LRRN1: variants seen among roughly 807,000 people sequenced by gnomAD.
The protein encoded by LRRN1 is leucine-rich repeat neuronal protein 1.
LRRN1 carries 14 observed loss-of-function variants against 45.8 expected under a neutral mutation model. The observed-to-expected ratio is 0.31, with a 90% CI of 0.20 to 0.48. The LOEUF (loss-of-function observed/expected upper bound fraction) is 0.48. Ranked by LOEUF, LRRN1 falls within the 20% of genes least tolerant of loss-of-function variation. LRRN1 has a pLI of 0.99. For synonymous variants in LRRN1, 359 were observed against 330.1 expected, an observed-to-expected ratio of 1.09 and a Z score of -0.95; for missense variants, 789 against 874.2, an observed-to-expected ratio of 0.90 and a Z score of 1.23.
chr3:3,801,445 A>G (rs1486376110), intron 1 of LRRN1, among the ~76,000 whole-genome samples: 3 of 152,202 alleles, frequency 2.0e-5, no homozygotes, highest in Non-Finnish European at 4.4e-5. Context: ...CTAGGGCTGG[A>G]GGAGTGGAAA....
intron 1 of LRRN1, among the ~76,000 whole-genome samples, chr3:3,837,188 G>A (rs1693538703): frequency 6.6e-6 from 1 of 152,190 alleles, no homozygotes; most frequent in Non-Finnish European, 1.5e-5. Flanking sequence ...CCAGGCAGGT[G>A]GCCCTGAGTG....
rs1337952254 is a variant in LRRN1, at chr3:3,846,341, A to G, written c.1700A>G (p.His567Arg). ...SSATMKIDNP[H>R]ITYTARVPVD... ...GCCACCATGAAGATTGATAACCCTCACATAACATATACTGCCAGGGTCCCA... is the reference window on the plus strand; with the variant it reads ...GCCACCATGAAGATTGATAACCCTCGCATAACATATACTGCCAGGGTCCCA... Residue 567 changes from histidine to arginine, a missense_variant, in exon 2 of 2, where the codon CAC (histidine) becomes CGC (arginine). Transcript: ENST00000319331. The surrounding 1 kb of genome is among the most constrained non-coding windows in gnomAD (Gnocchi z 5.7). The G allele has an allele frequency of 1.2e-6, 2 of 1,613,708 alleles. No individual in the cohort carries two copies. Among genetic ancestry groups the G allele is most frequent in the Non-Finnish European group, 1.7e-6 (2 of 1,180,018 alleles).
intron 1 of LRRN1, among the ~76,000 whole-genome samples, chr3:3,835,583 G>T (rs1429992891): frequency 1.7e-5 from 2 of 119,516 alleles, no homozygotes; most frequent in Admixed American, 9.2e-5. Flanking sequence ...AGAGCTGCCT[G>T]ATTTTTTTTT....
At chr3:3,802,039 T>A (rs1203974142) in intron 1 of LRRN1, among the ~76,000 whole-genome samples, 1 of 152,234 alleles carries the variant, frequency 6.6e-6, no homozygotes, top group Non-Finnish European at 1.5e-5. Flanking sequence ...TAGCTGAGAA[T>A]GTCCACTGTC....
At chr3:3,838,176 C>T (rs1182248102) in intron 1 of LRRN1, among the ~76,000 whole-genome samples, 3 of 152,090 alleles carry the variant, frequency 2.0e-5, no homozygotes, top group African/African-American at 7.2e-5. Context: ...AATAAATGGT[C>T]CTGGGAGAAC....
At chr3:3,810,756 C>G (rs2106452702) in intron 1 of LRRN1, among the ~76,000 whole-genome samples, 1 of 152,310 alleles carries the variant, frequency 6.6e-6, no homozygotes, top group South Asian at 2.1e-4. Flanking sequence ...ACCAGGCAAG[C>G]CAAATCAGGT....
At chr3:3,824,977 G>A (rs1336744652) in intron 1 of LRRN1, among the ~76,000 whole-genome samples, 1 of 152,158 alleles carries the variant, frequency 6.6e-6, no homozygotes. Context: ...ATTTCACAGG[G>A]AGGCTAGCCT....
At chr3:3,820,607 T>G (rs114744494) in intron 1 of LRRN1, among the ~76,000 whole-genome samples, 5 of 152,264 alleles carry the variant, frequency 3.3e-5, no homozygotes, top group Admixed American at 2.0e-4. Context: ...AGAATTCTTA[T>G]GTATTTCCTT....
intron 1 of LRRN1, among the ~76,000 whole-genome samples, chr3:3,818,944 C>T (rs1419263238): frequency 6.6e-6 from 1 of 151,756 alleles, no homozygotes; most frequent in Non-Finnish European, 1.5e-5. Context: ...AATAAGCATT[C>T]ATATAAAAAT....
chr3:3,819,139 C>T (rs889987566), intron 1 of LRRN1, among the ~76,000 whole-genome samples: 5 of 152,010 alleles, frequency 3.3e-5, no homozygotes, highest in Admixed American at 1.3e-4. Flanking sequence ...AGGCACACAC[C>T]GCCATGCCTG....
chr3:3,814,420 C>CTGGT (rs1197879730), intron 1 of LRRN1, among the ~76,000 whole-genome samples: 2 of 151,900 alleles, frequency 1.3e-5, no homozygotes, highest in African/African-American at 4.8e-5. Flanking sequence ...CCCTTGCCAT[C>CTGGT]TGGCTTCTTG....
At chr3:3,841,580 G>A (rs1035680939) in intron 1 of LRRN1, among the ~76,000 whole-genome samples, 8 of 151,778 alleles carry the variant, frequency 5.3e-5, no homozygotes, top group African/African-American at 9.7e-5. Flanking sequence ...GTGCAGTGGC[G>A]CCATCTTGGC....
At chr3:3,811,205 C>A (rs1692866217) in intron 1 of LRRN1, among the ~76,000 whole-genome samples, 1 of 152,208 alleles carries the variant, frequency 6.6e-6, no homozygotes, top group South Asian at 2.1e-4. Context: ...TGCCCAGTAT[C>A]GTACAGCTAG....
intron 1 of LRRN1, among the ~76,000 whole-genome samples, chr3:3,810,003 A>G (rs1039618230): frequency 6.6e-6 from 1 of 152,220 alleles, no homozygotes; most frequent in Non-Finnish European, 1.5e-5. Context: ...CGTAGTTGAC[A>G]TGGTTGTCAC....
chr3:3,823,338 C>T (rs1321581534), intron 1 of LRRN1, among the ~76,000 whole-genome samples: 1 of 151,722 alleles, frequency 6.6e-6, no homozygotes, highest in Non-Finnish European at 1.5e-5. Context: ...CTCTATGCAT[C>T]TATTTCCTCA....
rs756883795 is a variant in LRRN1, at chr3:3,844,571, A to T, written c.-71A>T. On this transcript the variant is annotated 5_prime_UTR_variant, in exon 2 of 2. Coordinates refer to ENST00000319331, the MANE Select transcript of LRRN1 (RefSeq NM_020873.7). Reference sequence around the variant, plus strand: ...ACATTTTCTGCTCGCTGTCCTACATATCACAATATAGTGTTCACGTTTTGT... The same window carrying T: ...ACATTTTCTGCTCGCTGTCCTACATTTCACAATATAGTGTTCACGTTTTGT... 22 of 1,163,276 alleles carry T rather than the reference A, an allele frequency of 1.9e-5. No individual in the cohort carries two copies. Among genetic ancestry groups the T allele is most frequent in the Non-Finnish European group, 2.7e-5 (22 of 812,490 alleles). 72.1% of individuals were successfully genotyped at this position (1,163,276 alleles called of 1,614,324 possible).
At position 3,844,468 on chromosome 3, in the gene LRRN1, C is replaced by A; in HGVS notation, c.-174C>A. 1.7e-6 allele frequency: 1 copy of A among 575,950 alleles called. No homozygotes were observed. Among genetic ancestry groups the A allele is most frequent in the Non-Finnish European group, 3.0e-6 (1 of 330,362 alleles). The allele number at this position is 575,950 out of a possible 1,614,324, so 35.7% of individuals were successfully genotyped here. A position where few individuals can be genotyped will look rare whatever the true frequency, so the allele number is the denominator to read the frequency against. On this transcript the variant is annotated 5_prime_UTR_variant, in exon 2 of 2. Transcript: ENST00000319331. ...TAAAAGACTCCAAGTTGCTTTCTGC[C>A]TTTTGAAAACTCCTGAAAACCATCC...
At chr3:3,800,182 G>A (rs1411950107) in intron 1 of LRRN1, among the ~76,000 whole-genome samples, 2 of 151,986 alleles carry the variant, frequency 1.3e-5, no homozygotes, top group Non-Finnish European at 2.9e-5. Flanking sequence ...TAGTTGGGAA[G>A]GCAGGCCAGA....
chr3:3,846,172 G>A lies in LRRN1; in HGVS notation c.1531G>A (p.Val511Met), dbSNP rs1693771934. The change falls in exon 2 of 2, where the codon GTG becomes ATG. Residue 511 changes from valine (V) to methionine (M), a missense_variant. Coordinates refer to ENST00000319331, the MANE Select transcript of LRRN1 (RefSeq NM_020873.7). The surrounding 1 kb of genome is among the most constrained non-coding windows in gnomAD (Gnocchi z 5.7). ...AQNVQGADTR[V>M]ATIKVNGTLL... ...GAATGTCCAAGGGGCAGACACTCGG[G>A]TGGCAACAATTAAGGTTAATGGGAC... 1.2e-6 allele frequency: 2 copies of A among 1,614,136 alleles called. No individual in the cohort carries two copies. The highest frequency in any genetic ancestry group is 8.5e-7 in the Non-Finnish European group (1 of 1,180,040).
Sources: allele counts gnomAD v4.1 joint callset (sites outside exome capture counted in the v4.1 genomes callset), GRCh38; gene constraint gnomAD v4.1.1; non-coding constraint Gnocchi (gnomAD v3.1); transcripts MANE v1.5; gene names NCBI Gene and HGNC (gene_info 2026-07-23, HGNC 2026-07-21).